MCTP1: variants seen among roughly 807,000 people sequenced by gnomAD.
MCTP1 encodes multiple C2 and transmembrane domain containing 1.
In MCTP1, 69 loss-of-function variants were observed where a neutral mutation model predicts 120.6. The ratio of observed to expected loss-of-function variants is 0.57; its 90% CI spans 0.47 to 0.70. The LOEUF is 0.70. Among genes scored for constraint, MCTP1 ranks in the 30% least tolerant of loss-of-function variants. The pLI, the probability that MCTP1 is intolerant of heterozygous loss-of-function variation, is 0.00. For missense variants in MCTP1, 1,203 were observed against 1,248.8 expected (o/e 0.96, Z 0.55); for synonymous variants, 529 against 493.1 (o/e 1.07, Z -0.96).
chr5:94,752,123 A>ATATATATATATATATATATT (rs1768575506), intron 19 of MCTP1, among the ~76,000 whole-genome samples: 1 of 67,822 alleles, frequency 1.5e-5, no homozygotes, highest in African/African-American at 7.3e-5. Flanking sequence ...ATATATATAT[A>ATATATATATATATATATATT]TATATATATA....
chr5:95,131,637 T>G (rs1759052525), intron 1 of MCTP1, among the ~76,000 whole-genome samples: 1 of 152,160 alleles, frequency 6.6e-6, no homozygotes, highest in Non-Finnish European at 1.5e-5. Flanking sequence ...TAACATAATT[T>G]ATGATTTCTT....
At chr5:95,233,383 C>T (rs535587922) in intron 1 of MCTP1, among the ~76,000 whole-genome samples, 7 of 150,532 alleles carry the variant, frequency 4.7e-5, no homozygotes, top group South Asian at 2.1e-4. Context: ...GGCTGGAGTG[C>T]AGTGGCACGA....
intron 19 of MCTP1, among the ~76,000 whole-genome samples, chr5:94,776,144 T>C (rs954379978): frequency 2.6e-5 from 4 of 151,994 alleles, no homozygotes; most frequent in African/African-American, 9.7e-5. Flanking sequence ...TTTTGTCTGC[T>C]TCAACTTCTT....
At chr5:94,784,112 AG>A (rs1777128226) in intron 18 of MCTP1, among the ~76,000 whole-genome samples, 2 of 152,264 alleles carry the variant, frequency 1.3e-5, no homozygotes, top group South Asian at 4.1e-4. Context: ...AAAAGAAAGA[AG>A]TTTCATATTT....
At chr5:95,210,207 T>A (rs909455526) in intron 1 of MCTP1, among the ~76,000 whole-genome samples, 1 of 152,182 alleles carries the variant, frequency 6.6e-6, no homozygotes, top group Admixed American at 6.6e-5. Context: ...GGTGCAGAGC[T>A]GAGTAAAATT....
At chr5:95,010,933 G>T (rs1835806939) in intron 2 of MCTP1, among the ~76,000 whole-genome samples, 1 of 152,110 alleles carries the variant, frequency 6.6e-6, no homozygotes, top group Non-Finnish European at 1.5e-5. Flanking sequence ...GATGTCATAT[G>T]TTGCCAGAGT....
chr5:94,825,592 C>T (rs1392066958), intron 17 of MCTP1, among the ~76,000 whole-genome samples: 1 of 152,070 alleles, frequency 6.6e-6, no homozygotes, highest in African/African-American at 2.4e-5. Flanking sequence ...TCCTGAACAT[C>T]CCTGTTAATT....
intron 18 of MCTP1, chr5:94,789,632 GC>G (rs1778472761): frequency 6.6e-6 from 1 of 152,180 alleles, no homozygotes; most frequent in Non-Finnish European, 1.5e-5. Context: ...CATTATATAT[GC>G]AGTACTCACA....
intron 1 of MCTP1, among the ~76,000 whole-genome samples, chr5:95,108,412 G>C (rs1009361926): frequency 1.4e-4 from 21 of 152,092 alleles, no homozygotes; most frequent in African/African-American, 5.1e-4. Flanking sequence ...ACAAAGTAAT[G>C]AACAGCAAGA....
chr5:94,925,170 C>A (rs1169483275), intron 6 of MCTP1, among the ~76,000 whole-genome samples: 1 of 152,110 alleles, frequency 6.6e-6, no homozygotes, highest in African/African-American at 2.4e-5. Context: ...CAAAGCCTTC[C>A]TTTCACTAGA....
chr5:94,982,387 T>C (rs1024127237), intron 2 of MCTP1, among the ~76,000 whole-genome samples: 2 of 152,138 alleles, frequency 1.3e-5, no homozygotes, highest in African/African-American at 4.8e-5. Context: ...AATGACACAC[T>C]TATGGTGTAT....
At chr5:95,266,952 C>A (rs1758930487) in intron 1 of MCTP1, among the ~76,000 whole-genome samples, 1 of 152,232 alleles carries the variant, frequency 6.6e-6, no homozygotes, top group South Asian at 2.1e-4. Flanking sequence ...CTTCTTTTCC[C>A]TCCTATAACA....
intron 1 of MCTP1, among the ~76,000 whole-genome samples, chr5:95,097,247 GA>G (rs577682134): frequency 1.4e-4 from 21 of 152,038 alleles, no homozygotes; most frequent in African/African-American, 2.9e-4. Flanking sequence ...AAAATACTAT[GA>G]AAAAAATAAG....
chr5:94,721,946 T>G (rs1441832769), intron 19 of MCTP1, among the ~76,000 whole-genome samples: 1 of 151,844 alleles, frequency 6.6e-6, no homozygotes, highest in Non-Finnish European at 1.5e-5. Flanking sequence ...TATGTGAGAT[T>G]TATATTGCAC....
intron 10 of MCTP1, among the ~76,000 whole-genome samples, chr5:94,900,257 A>T (rs1053750038): frequency 6.6e-6 from 1 of 152,214 alleles, no homozygotes; most frequent in African/African-American, 2.4e-5. Flanking sequence ...TTTTTTACCA[A>T]TTCTCATTGA....
intron 2 of MCTP1, among the ~76,000 whole-genome samples, chr5:94,992,382 A>G (rs1171592512): frequency 6.6e-6 from 1 of 152,148 alleles, no homozygotes; most frequent in East Asian, 1.9e-4. Context: ...GTAGAATCCC[A>G]TCTACTCTTT....
intron 1 of MCTP1, among the ~76,000 whole-genome samples, chr5:95,107,617 TTCTGAG>T (rs988981400): frequency 6.6e-6 from 1 of 152,234 alleles, no homozygotes; most frequent in African/African-American, 2.4e-5. Context: ...GCCTCCACTT[TTCTGAG>T]TCTCTCAGTT....
At chr5:95,226,591 C>CT (rs879888289) in intron 1 of MCTP1, among the ~76,000 whole-genome samples, 2,218 of 147,072 alleles carry the variant, frequency 0.015, 23 homozygotes, top group South Asian at 0.031. Flanking sequence ...CTCAGAACAC[C>CT]TTTTTTTTTT....
intron 1 of MCTP1, among the ~76,000 whole-genome samples, chr5:95,029,740 T>C (rs1000942209): frequency 2.6e-5 from 4 of 152,184 alleles, no homozygotes; most frequent in Non-Finnish European, 5.9e-5. Context: ...GGGAACTTCC[T>C]GGAGACAGAG....
Sources: allele counts gnomAD v4.1 joint callset (sites outside exome capture counted in the v4.1 genomes callset), GRCh38; gene constraint gnomAD v4.1.1; transcripts MANE v1.5; gene names NCBI Gene and HGNC (gene_info 2026-07-23, HGNC 2026-07-21).